The following SLCO5A1 variants were observed in gnomAD, a reference collection of about 807,000 sequenced individuals.
The protein encoded by SLCO5A1 is solute carrier organic anion transporter family member 5A1.
In SLCO5A1, 39 loss-of-function variants were observed where a neutral mutation model predicts 65.1. The ratio of observed to expected loss-of-function variants is 0.60; its 90% CI spans 0.46 to 0.78. SLCO5A1 has a LOEUF of 0.78. Among genes scored for constraint, SLCO5A1 ranks in the 30% least tolerant of loss-of-function variants. The pLI is 0.00. For missense variants in SLCO5A1, 1,029 were observed against 1,069.4 expected (o/e 0.96, Z 0.53); for synonymous variants, 438 against 415.7 (o/e 1.05, Z -0.65).
At chr8:69,692,839 C>G (rs1814333012) in intron 6 of SLCO5A1, among the ~76,000 whole-genome samples, 1 of 152,164 alleles carries the variant, frequency 6.6e-6, no homozygotes, top group South Asian at 2.1e-4. Context: ...AAGGACCTGC[C>G]AGAGGCTGTT....
In SLCO5A1 at chr8:69,716,156, T is replaced by C. The variant is rs148093238; in HGVS notation, c.1424-10927A>G. On this transcript the variant is annotated intron_variant, in intron 5 of 9. Transcript: ENST00000260126. ...GTTAAAGCATGTGTGAGTTCTTCAT[T>C]CCTATTTATGACCAAATAACATTTC... is the stretch of plus-strand genomic sequence containing the variant. Among the ~76,000 whole-genome samples, 917 of 152,332 alleles carry C rather than the reference T, an allele frequency of 6.0e-3. 9 individuals carry two copies. The highest frequency in any genetic ancestry group is 9.3e-3 in the Non-Finnish European group (636 of 68,040).
intron 2 of SLCO5A1, among the ~76,000 whole-genome samples, chr8:69,810,006 T>G (rs1466641155): frequency 6.6e-6 from 1 of 152,170 alleles, no homozygotes. Flanking sequence ...GTTCTCCAGC[T>G]ACAGAGGCAA....
intron 7 of SLCO5A1, among the ~76,000 whole-genome samples, chr8:69,680,046 A>C (rs1813701031): frequency 6.6e-6 from 1 of 152,234 alleles, no homozygotes; most frequent in Admixed American, 6.5e-5. Context: ...TAAAGTAAAC[A>C]TCTATTAAAT....
intron 2 of SLCO5A1, among the ~76,000 whole-genome samples, chr8:69,812,986 T>C (rs541583629): frequency 1.3e-5 from 2 of 152,294 alleles, no homozygotes; most frequent in South Asian, 2.1e-4. Context: ...ACATTCCCTT[T>C]CCAGCTGAAA....
Position 69,761,862 on chromosome 8 carries a change from G to A in SLCO5A1, c.921C>T (p.Val307=). ...CCACTGCAGGGCCAAGTGCTCCCAT[G>A]ACATACATGATGGCTGAGAAGACAG... ...NSSLYLAIMY[V]MGALGPAVGY... is the part of the protein sequence containing the mutation. Residue 307 remains valine (V), a synonymous_variant, in exon 3 of 10, where the codon GTC becomes GTT. Coordinates refer to ENST00000260126, the MANE Select transcript of SLCO5A1 (RefSeq NM_030958.3). The A allele has an allele frequency of 6.2e-7, 1 of 1,613,200 alleles. No homozygotes were observed. Among genetic ancestry groups the A allele is most frequent in the Non-Finnish European group, 8.5e-7 (1 of 1,179,886 alleles).
chr8:69,700,294 C>G (rs1814674683), intron 6 of SLCO5A1: 1 of 152,316 alleles, frequency 6.6e-6, no homozygotes, highest in South Asian at 2.1e-4. Flanking sequence ...GCTGATCTGG[C>G]TGAATAGACG....
chr8:69,831,461 C>A (rs1226079804), intron 2 of SLCO5A1, among the ~76,000 whole-genome samples: 1 of 152,084 alleles, frequency 6.6e-6, no homozygotes, highest in African/African-American at 2.4e-5. Context: ...ATAAACTTGA[C>A]AAATTGGAGC....
chr8:69,740,240 C>A (rs1816738549), intron 4 of SLCO5A1, among the ~76,000 whole-genome samples: 1 of 152,220 alleles, frequency 6.6e-6, no homozygotes, highest in African/African-American at 2.4e-5. Flanking sequence ...CAGCCTACAG[C>A]CCTCCAGGAG....
chr8:69,754,818 G>A (rs929748640), intron 4 of SLCO5A1, among the ~76,000 whole-genome samples: 1 of 152,102 alleles, frequency 6.6e-6, no homozygotes, highest in Non-Finnish European at 1.5e-5. Context: ...CCTTCTGGAT[G>A]CTTTTACACT....
intron 5 of SLCO5A1, among the ~76,000 whole-genome samples, chr8:69,732,912 A>G (rs1340827517): frequency 1.3e-5 from 2 of 152,088 alleles, no homozygotes; most frequent in African/African-American, 4.8e-5. Context: ...ACATAGAAAT[A>G]TTTATATACT....
chr8:69,831,062 C>G (rs988448081), intron 2 of SLCO5A1, among the ~76,000 whole-genome samples: 46 of 152,092 alleles, frequency 3.0e-4, no homozygotes, highest in African/African-American at 9.9e-4. Flanking sequence ...CACCTGAGGT[C>G]AAGAGTTCAA....
At chr8:69,825,533 C>T (rs1034907083) in intron 2 of SLCO5A1, among the ~76,000 whole-genome samples, 1 of 152,122 alleles carries the variant, frequency 6.6e-6, no homozygotes, top group African/African-American at 2.4e-5. Flanking sequence ...TACACAATTG[C>T]TTCAAAGAGA....
At chr8:69,763,614 CAAAAAAAAAAAAAAAAAAAAAAAAA>C (rs770191440) in intron 2 of SLCO5A1, among the ~76,000 whole-genome samples, 1 of 13,160 alleles carries the variant, frequency 7.6e-5, no homozygotes, top group Admixed American at 1.7e-3. Flanking sequence ...AGCAAGACTC[CAAAAAAAAAAAAAAAAAAAAAAAAA>C]AAAAAAAAAA....
In SLCO5A1 at chr8:69,797,909, C is replaced by A. The variant is rs532706940; in HGVS notation, c.907+33858G>T. 2.9e-3 allele frequency among the ~76,000 whole-genome samples: 445 copies of A among 152,280 alleles called. 3 individuals carry two copies. Among genetic ancestry groups the A allele is most frequent in the Non-Finnish European group, 5.2e-3 (355 of 68,028 alleles). On this transcript the variant is annotated intron_variant, in intron 2 of 9. Coordinates refer to ENST00000260126, the MANE Select transcript of SLCO5A1 (RefSeq NM_030958.3). ...CTTATTACCTTGTGAAGCATGTGAT[C>A]TCTGTGACCCACACCCTATTTGTAC...
intron 2 of SLCO5A1, among the ~76,000 whole-genome samples, chr8:69,809,673 G>T (rs4738026): frequency 0.087 from 13,107 of 150,580 alleles, 666 homozygotes; most frequent in East Asian, 0.27. Flanking sequence ...TTATGATTAT[G>T]ATTATTATTA....
At chr8:69,698,003 C>A (rs1814572774) in intron 6 of SLCO5A1, among the ~76,000 whole-genome samples, 1 of 152,132 alleles carries the variant, frequency 6.6e-6, no homozygotes, top group Non-Finnish European at 1.5e-5. Flanking sequence ...GTTTTTCCAA[C>A]CTCTCCCTCT....
chr8:69,753,920 G>A, intron 4 of SLCO5A1, among the ~76,000 whole-genome samples: 1 of 150,706 alleles, frequency 6.6e-6, no homozygotes, highest in East Asian at 1.9e-4. Context: ...GGAGGCTGAG[G>A]CAGGAGAATT....
intron 6 of SLCO5A1, among the ~76,000 whole-genome samples, chr8:69,696,303 T>C (rs1343698517): frequency 2.6e-5 from 4 of 152,132 alleles, no homozygotes; most frequent in Non-Finnish European, 5.9e-5. Flanking sequence ...AAATGGCAAG[T>C]AGATAGGCAT....
chr8:69,672,928 T>C lies in SLCO5A1; in HGVS notation c.2488A>G (p.Ser830Gly). ...TCCAGCCCCGGGTCCGCAGAGGAAC[T>C]TATTGCTTCTGGGAAGGGCCCCGGG... Reference protein sequence around the residue: ...TYPGPFPEAISSSADPGLEES... With the variant: ...TYPGPFPEAIGSSADPGLEES... The change falls in exon 10 of 10, where the codon AGT becomes GGT. Residue 830 changes from serine (S) to glycine (G), a missense_variant. Ser to Gly is a moderately conservative substitution (Grantham distance 56, BLOSUM62 0). Transcript: ENST00000260126. 1 of 1,614,234 alleles carries C rather than the reference T, an allele frequency of 6.2e-7. No homozygotes were observed. The highest frequency in any genetic ancestry group is 1.1e-5 in the South Asian group (1 of 91,088).
Sources: allele counts gnomAD v4.1 joint callset (sites outside exome capture counted in the v4.1 genomes callset), GRCh38; gene constraint gnomAD v4.1.1; transcripts MANE v1.5; gene names NCBI Gene and HGNC (gene_info 2026-07-23, HGNC 2026-07-21).